Variants in ME3 observed in about 807,000 individuals in gnomAD.
ME3 encodes NADP-dependent malic enzyme, mitochondrial.
A neutral mutation model predicts 68.9 loss-of-function variants in ME3; 48 were observed. The observed-to-expected ratio is 0.70, with a 90% CI of 0.55 to 0.89. The LOEUF (loss-of-function observed/expected upper bound fraction) is 0.89. Among genes scored for constraint, ME3 ranks in the 40% least tolerant of loss-of-function variants. The pLI, the probability that ME3 is intolerant of heterozygous loss-of-function variation, is 0.00. For missense variants in ME3, 675 were observed against 797.4 expected (o/e 0.85, Z 1.85); for synonymous variants, 320 against 318.8 (o/e 1.00, Z -0.04).
intron 2 of ME3, among the ~76,000 whole-genome samples, chr11:86,621,164 A>G (rs796167562): frequency 6.6e-5 from 10 of 152,342 alleles, no homozygotes; most frequent in African/African-American, 2.4e-4. Context: ...AAATTTTGCT[A>G]GAATTGCTTT....
chr11:86,576,582 G>T (rs193010086), intron 2 of ME3, among the ~76,000 whole-genome samples: 1 of 152,188 alleles, frequency 6.6e-6, no homozygotes, highest in South Asian at 2.1e-4. Context: ...CTGCAGTACT[G>T]ACTGACTTGT....
chr11:86,446,209 A>G (rs771582962), intron 13 of ME3, 105 bp downstream of exon 13: 17 of 1,336,782 alleles, frequency 1.3e-5, no homozygotes, highest in Admixed American at 2.0e-5. Flanking sequence ...TCCACTGGCA[A>G]TGTTGGGGCA....
intron 4 of ME3, among the ~76,000 whole-genome samples, chr11:86,517,351 CAT>C (rs1273313210): frequency 3.3e-5 from 5 of 152,184 alleles, no homozygotes; most frequent in African/African-American, 1.2e-4. Context: ...GTGAGGGTGA[CAT>C]AGAGCACAGT....
intron 6 of ME3, among the ~76,000 whole-genome samples, chr11:86,492,296 G>A (rs1565854443): frequency 6.6e-6 from 1 of 152,236 alleles, no homozygotes; most frequent in Non-Finnish European, 1.5e-5. Flanking sequence ...TTAGTGATAT[G>A]ATTGCAGAGT....
chr11:86,609,158 G>T (rs1942376917), intron 2 of ME3, among the ~76,000 whole-genome samples: 1 of 152,152 alleles, frequency 6.6e-6, no homozygotes, highest in Non-Finnish European at 1.5e-5. Flanking sequence ...TTTGAACTCA[G>T]GTTTATTCTC....
intron 6 of ME3, among the ~76,000 whole-genome samples, chr11:86,497,051 G>A (rs1000806993): frequency 2.0e-5 from 3 of 151,526 alleles, no homozygotes; most frequent in African/African-American, 4.9e-5. Context: ...GTGTGATCTC[G>A]GCTCACTGCA....
intron 8 of ME3, among the ~76,000 whole-genome samples, chr11:86,459,176 A>T (rs1389606410): frequency 6.6e-6 from 1 of 152,222 alleles, no homozygotes; most frequent in Non-Finnish European, 1.5e-5. Flanking sequence ...GGACCAGCAC[A>T]TTCAAAATCA....
chr11:86,467,203 A>G (rs758301218), intron 7 of ME3, among the ~76,000 whole-genome samples: 1 of 152,242 alleles, frequency 6.6e-6, no homozygotes, highest in African/African-American at 2.4e-5. Context: ...CTTTCTTAGT[A>G]AATTTCAAGT....
At chr11:86,489,019 G>T (rs997995764) in intron 6 of ME3, 1 of 152,180 alleles carries the variant, frequency 6.6e-6, no homozygotes, top group Non-Finnish European at 1.5e-5. Context: ...AAGGTTGAGG[G>T]CTGGAGGCAG....
intron 2 of ME3, among the ~76,000 whole-genome samples, chr11:86,653,768 C>T (rs189132259): frequency 9.9e-5 from 15 of 151,868 alleles, no homozygotes; most frequent in Admixed American, 4.6e-4. Context: ...AAGGAGAGAG[C>T]GACACAAAAA....
chr11:86,549,364 T>C (rs1423084688), intron 4 of ME3, among the ~76,000 whole-genome samples: 1 of 152,246 alleles, frequency 6.6e-6, no homozygotes, highest in Non-Finnish European at 1.5e-5. Context: ...ATAATATTCC[T>C]TTACTTCCAG....
intron 2 of ME3, among the ~76,000 whole-genome samples, chr11:86,616,650 G>A (rs1942976418): frequency 6.6e-6 from 1 of 152,114 alleles, no homozygotes; most frequent in Non-Finnish European, 1.5e-5. Context: ...GTCTAATAAT[G>A]AGGAAAACAT....
chr11:86,468,103 C>T (rs1372891337), intron 7 of ME3, among the ~76,000 whole-genome samples: 1 of 152,146 alleles, frequency 6.6e-6, no homozygotes, highest in Non-Finnish European at 1.5e-5. Flanking sequence ...AGTCTCTGAC[C>T]ACAGCCTTTC....
chr11:86,612,627 T>C (rs1315958904), intron 2 of ME3, among the ~76,000 whole-genome samples: 5 of 152,196 alleles, frequency 3.3e-5, no homozygotes, highest in Non-Finnish European at 7.3e-5. Context: ...AGATGGTATC[T>C]CATTGTGGTT....
At chr11:86,556,687 C>T in exon 4 of ME3, 3 of 1,614,046 alleles carry the variant, frequency 1.9e-6, no homozygotes, top group Non-Finnish European at 2.5e-6. Context: ...CTTGGAGTGT[C>T]ATGAGAATGA....
chr11:86,619,756 C>CT (rs1372647746), intron 2 of ME3, among the ~76,000 whole-genome samples: 2 of 152,184 alleles, frequency 1.3e-5, no homozygotes, highest in African/African-American at 2.4e-5. Flanking sequence ...TGGGGTATGT[C>CT]TTTATCAGGT....
chr11:86,523,190 A>AG (rs1164568222), intron 4 of ME3, among the ~76,000 whole-genome samples: 2 of 152,256 alleles, frequency 1.3e-5, no homozygotes, highest in African/African-American at 4.8e-5. Flanking sequence ...GTAAGAAAGA[A>AG]GAAAAAAAGA....
At chr11:86,504,701 G>A (rs1287687964) in intron 5 of ME3, among the ~76,000 whole-genome samples, 3 of 148,144 alleles carry the variant, frequency 2.0e-5, no homozygotes, top group Non-Finnish European at 4.5e-5. Flanking sequence ...GCCCTTTTTT[G>A]TTTTCGTTTT....
chr11:86,454,582 C>A (rs1419185943), intron 8 of ME3, among the ~76,000 whole-genome samples: 1 of 152,180 alleles, frequency 6.6e-6, no homozygotes, highest in African/African-American at 2.4e-5. Context: ...GACAGTTATT[C>A]ATTTAATCCT....
Sources: allele counts gnomAD v4.1 joint callset (sites outside exome capture counted in the v4.1 genomes callset), GRCh38; gene constraint gnomAD v4.1.1; transcripts MANE v1.5; gene names NCBI Gene and HGNC (gene_info 2026-07-23, HGNC 2026-07-21).